Variants in SOS1 observed in about 807,000 individuals in gnomAD.
The protein encoded by SOS1 is son of sevenless homolog 1.
SOS1 carries 25 observed loss-of-function variants against 157.6 expected under a neutral mutation model. The ratio of observed to expected loss-of-function variants is 0.16; its 90% CI spans 0.12 to 0.22. The LOEUF is 0.22. Ranked by LOEUF, SOS1 falls within the 10% of genes least tolerant of loss-of-function variation. SOS1 has a pLI of 1.00. For synonymous variants in SOS1, 528 were observed against 534.0 expected (o/e 0.99, Z 0.16); for missense variants, 1,237 against 1,599.1 (o/e 0.77, Z 3.86).
At chr2:39,044,663 T>C (rs1021994705) in intron 6 of SOS1, among the ~76,000 whole-genome samples, 8 of 152,070 alleles carry the variant, frequency 5.3e-5, no homozygotes, top group Non-Finnish European at 7.4e-5. Context: ...GGATCAAAAA[T>C]ACAGTATTTG....
intron 6 of SOS1, among the ~76,000 whole-genome samples, chr2:39,043,269 A>G (rs976488900): frequency 6.6e-6 from 1 of 152,226 alleles, no homozygotes; most frequent in Non-Finnish European, 1.5e-5. Context: ...ATACTACATT[A>G]AAACTTTAAA....
chr2:39,061,286 G>T (rs1671392780), intron 2 of SOS1, among the ~76,000 whole-genome samples: 1 of 149,318 alleles, frequency 6.7e-6, no homozygotes, highest in South Asian at 2.1e-4. Flanking sequence ...TTTGAATGTG[G>T]AGAGGCCATA....
chr2:39,045,288 G>GTGTA (rs1670739538), intron 6 of SOS1, among the ~76,000 whole-genome samples: 1 of 151,576 alleles, frequency 6.6e-6, no homozygotes, highest in Admixed American at 6.6e-5. Context: ...GTGTGTGTGT[G>GTGTA]TGTGTGTGTG....
At chr2:39,081,957 G>C (rs1242903740) in intron 1 of SOS1, among the ~76,000 whole-genome samples, 1 of 152,018 alleles carries the variant, frequency 6.6e-6, no homozygotes, top group Non-Finnish European at 1.5e-5. Context: ...TATTTATGGG[G>C]TACATAAGAT....
At chr2:39,094,178 T>G (rs1255041411) in intron 1 of SOS1, among the ~76,000 whole-genome samples, 6 of 152,128 alleles carry the variant, frequency 3.9e-5, no homozygotes. Flanking sequence ...CTCTTTTTCT[T>G]TTTTCTTTCT....
intron 10 of SOS1, among the ~76,000 whole-genome samples, chr2:39,018,327 C>T (rs555786020): frequency 1.0e-3 from 158 of 151,816 alleles, no homozygotes; most frequent in Non-Finnish European, 1.9e-3. Context: ...TTTTCCCCCT[C>T]ATCATTAGAG....
At chr2:39,021,353 T>C (rs1367605175) in intron 10 of SOS1, among the ~76,000 whole-genome samples, 1 of 151,574 alleles carries the variant, frequency 6.6e-6, no homozygotes, top group East Asian at 1.9e-4. Context: ...TGCTTATTAA[T>C]AATCATAAAT....
intron 6 of SOS1, among the ~76,000 whole-genome samples, chr2:39,036,906 A>G (rs1670374958): frequency 6.7e-6 from 1 of 149,160 alleles, no homozygotes; most frequent in African/African-American, 2.6e-5. Context: ...GCTGGACTCA[A>G]GTGATCCTCC....
At chr2:39,075,457 T>TC (rs1671936818) in intron 1 of SOS1, among the ~76,000 whole-genome samples, 2 of 152,146 alleles carry the variant, frequency 1.3e-5, no homozygotes, top group South Asian at 4.2e-4. Context: ...AGCCTTTTTT[T>TC]CTCCTCTAAA....
At chr2:39,027,046 T>C (rs1241738900) in intron 8 of SOS1, among the ~76,000 whole-genome samples, 1 of 152,170 alleles carries the variant, frequency 6.6e-6, no homozygotes, top group Non-Finnish European at 1.5e-5. Flanking sequence ...CCCAGAGAAA[T>C]TCAAGTCAGT....
intron 6 of SOS1, among the ~76,000 whole-genome samples, chr2:39,037,696 G>A (rs1215173994): frequency 6.6e-6 from 1 of 151,432 alleles, no homozygotes; most frequent in Non-Finnish European, 1.5e-5. Flanking sequence ...CCAACAGCAT[G>A]TGCTAATTTT....
At chr2:39,043,170 T>C (rs371061758) in intron 6 of SOS1, among the ~76,000 whole-genome samples, 127 of 152,352 alleles carry the variant, frequency 8.3e-4, no homozygotes, top group African/African-American at 3.0e-3. Context: ...CTTCTATTGC[T>C]TGTTTGCCCA....
chr2:39,077,882 T>A (rs892318479), intron 1 of SOS1, among the ~76,000 whole-genome samples: 1 of 152,196 alleles, frequency 6.6e-6, no homozygotes, highest in African/African-American at 2.4e-5. Flanking sequence ...GATATCTTTA[T>A]AACCTGAGTT....
intron 1 of SOS1, among the ~76,000 whole-genome samples, chr2:39,107,219 G>A (rs558301115): frequency 6.6e-6 from 1 of 152,158 alleles, no homozygotes; most frequent in South Asian, 2.1e-4. Context: ...GAGCCTCTCA[G>A]ATCTCTGACT....
At chr2:39,116,469 G>C (rs981375627) in intron 1 of SOS1, among the ~76,000 whole-genome samples, 1 of 152,166 alleles carries the variant, frequency 6.6e-6, no homozygotes. Flanking sequence ...TATTAAACTA[G>C]GCTTCTAACT....
rs1160704649 is a variant in SOS1, at chr2:39,007,023, A to G, written c.2673+8T>C. The stretch of plus-strand genomic sequence containing the variant: ...AAGTTCATTTTAAAAACACATGTAG[A>G]AACCTACCTCAAATGTGTGGTCTAG... On this transcript the variant is annotated splice_region_variant and intron_variant, in intron 16 of 22. Transcript: ENST00000402219. 2 of 1,595,626 alleles carry G rather than the reference A, an allele frequency of 1.3e-6. No individual in the cohort carries two copies. Among genetic ancestry groups the G allele is most frequent in the Non-Finnish European group, 1.7e-6 (2 of 1,163,598 alleles).
chr2:39,087,635 A>T (rs929723015), intron 1 of SOS1, among the ~76,000 whole-genome samples: 3 of 152,222 alleles, frequency 2.0e-5, no homozygotes, highest in Admixed American at 6.5e-5. Flanking sequence ...CCAGAGGATA[A>T]CATGATGATC....
chr2:38,987,591 C>A lies in SOS1; in HGVS notation c.3392G>T (p.Arg1131Ile). 1 of 1,411,940 alleles carries A rather than the reference C, an allele frequency of 7.1e-7. No homozygotes were observed. Among genetic ancestry groups the A allele is most frequent in the South Asian group, 1.2e-5 (1 of 86,140 alleles). The allele number at this position is 1,411,940 out of a possible 1,614,324, so 87.5% of individuals were successfully genotyped here. A position where few individuals can be genotyped will look rare whatever the true frequency, so the allele number is the denominator to read the frequency against. ...FIQVTLPHGP[R>I]SASVSSISLT... ...ACTTATAGATGATACAGAAGCAGATCCTGTGGGATGTTAAATTTTTAAGAA... is the reference window on the plus strand; with the variant it reads ...ACTTATAGATGATACAGAAGCAGATACTGTGGGATGTTAAATTTTTAAGAA... Residue 1131 changes from arginine to isoleucine, a missense_variant and splice_region_variant, in exon 22 of 23, where the codon AGA (arginine) becomes ATA (isoleucine). Arg to Ile is a moderately conservative substitution (Grantham distance 97). This residue lies in a region of SOS1 where 306 missense variants were observed against 322.6 expected (regional missense o/e 0.95). Coordinates refer to ENST00000402219, the MANE Select transcript of SOS1 (RefSeq NM_005633.4).
chr2:39,117,245 G>C (rs1026223586), intron 1 of SOS1, among the ~76,000 whole-genome samples: 7 of 152,132 alleles, frequency 4.6e-5, no homozygotes, highest in African/African-American at 1.7e-4. Flanking sequence ...GGCCAGGCTG[G>C]TCTTGAATTC....
Sources: gnomAD v4.1 joint callset for allele counts (sites outside exome capture counted in the v4.1 genomes callset) on GRCh38, gnomAD v4.1.1 for gene constraint, gnomAD v4.1.1 regional missense constraint, MANE v1.5 for transcripts, NCBI Gene and HGNC (gene_info 2026-07-23, HGNC 2026-07-21) for gene names.